The following MARCHF10 variants were observed in gnomAD, a reference collection of about 807,000 sequenced individuals.
The protein encoded by MARCHF10 is membrane associated ring-CH-type finger 10.
In MARCHF10, 64 loss-of-function variants were observed where a neutral mutation model predicts 76.2. The ratio of observed to expected loss-of-function variants is 0.84; its 90% CI spans 0.69 to 1.03. The LOEUF is 1.03. Ranked by LOEUF, MARCHF10 falls within the 50% of genes least tolerant of loss-of-function variation. The probability of loss-of-function intolerance (pLI) is 0.00; values close to 1 mark genes in which losing one functional copy is unlikely to be tolerated. For missense variants in MARCHF10, 875 were observed against 958.0 expected, an observed-to-expected ratio of 0.91 and a Z score of 1.14; for synonymous variants, 340 against 357.5, an observed-to-expected ratio of 0.95 and a Z score of 0.55.
At chr17:62,705,195 T>TA (rs1425626323) in intron 10 of MARCHF10, 21 of 1,232,922 alleles carry the variant, frequency 1.7e-5, no homozygotes, top group Middle Eastern at 3.3e-4. Flanking sequence ...ATCCTGGCAG[T>TA]AAAAAAACCA....
intron 1 of MARCHF10, among the ~76,000 whole-genome samples, chr17:62,803,721 G>C (rs28733545): frequency 0.024 from 3,585 of 152,090 alleles, 168 homozygotes; most frequent in African/African-American, 0.083. Context: ...TCACCATATC[G>C]GCCAGACTGA....
chr17:62,701,936 A>G lies in MARCHF10; in HGVS notation c.2372-178T>C, dbSNP rs574952381. On this transcript the variant is annotated intron_variant, in intron 10 of 10. Coordinates refer to ENST00000311269, the MANE Select transcript of MARCHF10 (RefSeq NM_152598.4). The stretch of plus-strand genomic sequence containing the variant: ...GAGACCTGCAGTCTGGGGCCGGGGA[A>G]TCCACAGACTGCCCCATTGGGGTTT... Among the ~76,000 whole-genome samples the G allele has an allele frequency of 4.6e-5, 7 of 152,276 alleles. No homozygotes were observed. The East Asian group carries it at 9.7e-4, about 21-fold the overall frequency.
chr17:62,730,624 G>T (rs2090983395), intron 6 of MARCHF10, among the ~76,000 whole-genome samples: 1 of 152,144 alleles, frequency 6.6e-6, no homozygotes, highest in Admixed American at 6.5e-5. Flanking sequence ...GGCTGGGCGT[G>T]GTGGCTCATG....
At position 62,759,877 on chromosome 17, in the gene MARCHF10, C is replaced by G; in HGVS notation, c.340G>C (p.Val114Leu). ...VKQKHKSTMT[V>L]RKAEKVDPSE... ...GGGTCCACTTTCTCTGCTTTCCTTA[C>G]AGTCATGGTACTTTTATGTTTCTGC... The change falls in exon 4 of 11, where the codon GTA (valine) becomes CTA (leucine). Residue 114 changes from valine (V) to leucine (L), a missense_variant. Val to Leu is a conservative substitution (Grantham distance 32). Coordinates refer to ENST00000311269, the MANE Select transcript of MARCHF10 (RefSeq NM_152598.4). The G allele has an allele frequency of 6.2e-7, 1 of 1,614,132 alleles. No individual in the cohort carries two copies. Among genetic ancestry groups the G allele is most frequent in the Non-Finnish European group, 8.5e-7 (1 of 1,180,038 alleles).
chr17:62,807,626 T>C (rs2093182700), intron 1 of MARCHF10, among the ~76,000 whole-genome samples: 1 of 151,762 alleles, frequency 6.6e-6, no homozygotes, highest in African/African-American at 2.4e-5. Flanking sequence ...TAGCCAGACA[T>C]GGTGTTGGCC....
At chr17:62,796,506 A>G (rs1174428906) in intron 2 of MARCHF10, among the ~76,000 whole-genome samples, 3 of 152,220 alleles carry the variant, frequency 2.0e-5, no homozygotes, top group Admixed American at 6.5e-5. Flanking sequence ...AAAATGCTCA[A>G]TGAGAGTGGA....
intron 10 of MARCHF10, among the ~76,000 whole-genome samples, chr17:62,704,665 G>T (rs1465907383): frequency 6.6e-6 from 1 of 152,242 alleles, no homozygotes; most frequent in Non-Finnish European, 1.5e-5. Flanking sequence ...ACGATTCCAG[G>T]GCCCCACCCC....
chr17:62,763,207 A>G (rs1337832804), intron 3 of MARCHF10, among the ~76,000 whole-genome samples: 1 of 152,196 alleles, frequency 6.6e-6, no homozygotes, highest in Non-Finnish European at 1.5e-5. Context: ...CCATTTATAA[A>G]ATTAACTAGC....
chr17:62,722,753 A>C (rs546263688), intron 7 of MARCHF10, among the ~76,000 whole-genome samples, 156 bp from the exon 8 acceptor site: 10 of 152,086 alleles, frequency 6.6e-5, no homozygotes, highest in South Asian at 6.3e-4. Context: ...GTAGAAAATG[A>C]CCTTGAATCT....
At chr17:62,804,639 A>C (rs2093134387) in intron 1 of MARCHF10, among the ~76,000 whole-genome samples, 1 of 152,164 alleles carries the variant, frequency 6.6e-6, no homozygotes, top group Non-Finnish European at 1.5e-5. Flanking sequence ...CATGCTTTCA[A>C]GAAGTTTGGC....
intron 3 of MARCHF10, among the ~76,000 whole-genome samples, chr17:62,771,001 G>A (rs1054736534): frequency 1.2e-4 from 18 of 151,768 alleles, no homozygotes; most frequent in East Asian, 1.9e-4. Context: ...GACTACAGGC[G>A]CCCGCCACCA....
At chr17:62,733,953 C>G (rs575451446) in intron 6 of MARCHF10, among the ~76,000 whole-genome samples, 4 of 152,072 alleles carry the variant, frequency 2.6e-5, no homozygotes, top group Non-Finnish European at 4.4e-5. Flanking sequence ...GAGGCCAAGA[C>G]GGGTGGATTG....
intron 6 of MARCHF10, among the ~76,000 whole-genome samples, chr17:62,727,478 G>A (rs990737184): frequency 1.3e-5 from 2 of 151,910 alleles, no homozygotes; most frequent in African/African-American, 4.8e-5. Flanking sequence ...AGCCCAGCCT[G>A]GGCAACACAG....
intron 8 of MARCHF10, chr17:62,714,264 TG>T: frequency 5.1e-6 from 2 of 389,610 alleles, no homozygotes; most frequent in Non-Finnish European, 7.0e-6. Flanking sequence ...CCGGCTAAGG[TG>T]GGCAGTGCAG....
chr17:62,734,388 C>G (rs1359596849), intron 6 of MARCHF10, among the ~76,000 whole-genome samples: 2 of 152,020 alleles, frequency 1.3e-5, no homozygotes, highest in Non-Finnish European at 2.9e-5. Flanking sequence ...GTTCTGTTAG[C>G]TGGACGGTGG....
At chr17:62,771,853 AG>A (rs1169919657) in intron 3 of MARCHF10, among the ~76,000 whole-genome samples, 1 of 152,186 alleles carries the variant, frequency 6.6e-6, no homozygotes, top group Non-Finnish European at 1.5e-5. Context: ...CTGGGATTAC[AG>A]GCGCAAGCCA....
At chr17:62,765,244 C>T (rs1031807113) in intron 3 of MARCHF10, among the ~76,000 whole-genome samples, 4 of 149,170 alleles carry the variant, frequency 2.7e-5, no homozygotes, top group South Asian at 4.2e-4. Context: ...TCCAGCTACT[C>T]GGGAAGCTGA....
rs965354423 is a variant in MARCHF10 at position 62,747,075 on chromosome 17, C to T, written c.383-2547G>A. On this transcript the variant is annotated intron_variant, in intron 4 of 10. Coordinates refer to ENST00000311269, the MANE Select transcript of MARCHF10 (RefSeq NM_152598.4). ...TAATGAGTATGTCTTTTCTCTCCAA[C>T]TAGCCTGCACGCTCCTTAAGAATGA... 1.3e-5 allele frequency: 11 copies of T among 834,588 alleles called. No homozygotes were observed. In the African/African-American group the frequency reaches 1.5e-4, roughly 12 times the overall value. 51.7% of individuals were successfully genotyped at this position (834,588 alleles called of 1,614,324 possible).
chr17:62,796,071 C>T (rs1423282007), intron 2 of MARCHF10, among the ~76,000 whole-genome samples: 1 of 151,298 alleles, frequency 6.6e-6, no homozygotes, highest in Non-Finnish European at 1.5e-5. Flanking sequence ...GTGGCGTCAT[C>T]TCGGCTCACC....
Sources: allele counts gnomAD v4.1 joint callset (sites outside exome capture counted in the v4.1 genomes callset), GRCh38; gene constraint gnomAD v4.1.1; transcripts MANE v1.5; gene names NCBI Gene and HGNC (gene_info 2026-07-23, HGNC 2026-07-21).